Variants in TNRC6B observed in about 807,000 individuals in gnomAD.
The protein encoded by TNRC6B is trinucleotide repeat containing adaptor 6B, also known as trinucleotide repeat-containing gene 6B protein.
TNRC6B carries 52 observed loss-of-function variants against 203.6 expected under a neutral mutation model. That is an observed-to-expected ratio of 0.26 (90% CI 0.20 to 0.32). TNRC6B has a LOEUF of 0.32. Among genes scored for constraint, TNRC6B ranks in the 10% least tolerant of loss-of-function variants. The probability of loss-of-function intolerance (pLI) is 1.00; values close to 1 mark genes in which losing one functional copy is unlikely to be tolerated. For synonymous variants in TNRC6B, 838 were observed against 845.7 expected (o/e 0.99, Z 0.16); for missense variants, 1,923 against 2,286.2 (o/e 0.84, Z 3.24).
At chr22:40,241,895 A>G (rs1244985802) in intron 1 of TNRC6B, among the ~76,000 whole-genome samples, 2 of 152,028 alleles carry the variant, frequency 1.3e-5, no homozygotes, top group African/African-American at 4.8e-5. Flanking sequence ...TTTGATGTTG[A>G]TGTTGTTCCA....
In TNRC6B at chr22:40,265,055, A is replaced by G. The variant is rs1302823626; in HGVS notation, c.825A>G (p.Thr275=). Residue 275 remains threonine (T), a synonymous_variant, in exon 5 of 23, where the codon ACA becomes ACG. Transcript: ENST00000454349. ...CTGTTCAATCTTCCAACTCTACTAC[A>G]GAGAACAACAATGGACTAGGAAATT... ...AKSVQSSNST[T]ENNNGLGNWR... 4 of 1,613,878 alleles carry G rather than the reference A, an allele frequency of 2.5e-6. No homozygotes were observed. The highest frequency in any genetic ancestry group is 3.4e-6 in the Non-Finnish European group (4 of 1,179,900).
In TNRC6B at chr22:40,092,763, C is replaced by T. The variant is rs1453597167; in HGVS notation, c.-120-24292C>T. ...GCCTCTGGTCTTCAAATGACCCTCT[C>T]GCCTTAGCTTCCAGAGTATCTGGGA... On this transcript the variant is annotated intron_variant, in intron 1 of 23. Transcript: ENST00000301923. Among the ~76,000 whole-genome samples the T allele has an allele frequency of 2.0e-5, 3 of 152,328 alleles. No homozygotes were observed. The South Asian group carries it at 6.2e-4, about 32-fold the overall frequency.
chr22:40,083,385 A>G (rs1013690579), intron 1 of TNRC6B, among the ~76,000 whole-genome samples: 55 of 152,232 alleles, frequency 3.6e-4, no homozygotes, highest in African/African-American at 1.2e-3. Flanking sequence ...GATTGGCAGC[A>G]TGGATATTGC....
intron 3 of TNRC6B, among the ~76,000 whole-genome samples, chr22:40,254,259 A>T (rs548207350): frequency 6.6e-6 from 1 of 152,332 alleles, no homozygotes; most frequent in South Asian, 2.1e-4. Flanking sequence ...AATCGTTCAG[A>T]TTTAACAGGG....
At chr22:40,204,630 A>G (rs2069456695) in intron 1 of TNRC6B, among the ~76,000 whole-genome samples, 1 of 152,110 alleles carries the variant, frequency 6.6e-6, no homozygotes, top group Non-Finnish European at 1.5e-5. Context: ...GTTATCTCTA[A>G]ATGATACATG....
intron 1 of TNRC6B, among the ~76,000 whole-genome samples, chr22:40,224,667 C>A (rs1197408657): frequency 6.6e-6 from 1 of 152,186 alleles, no homozygotes; most frequent in Admixed American, 6.5e-5. Context: ...GAAAAATCAG[C>A]CACAGGTTTT....
At chr22:40,046,645 A>ATTT (rs754235884) in intron 1 of TNRC6B, among the ~76,000 whole-genome samples, 1 of 130,820 alleles carries the variant, frequency 7.6e-6, no homozygotes, top group Non-Finnish European at 1.6e-5. Flanking sequence ...CAGAGTCTCA[A>ATTT]TTTTTTTTTT....
chr22:40,079,864 C>T (rs1257077973), intron 1 of TNRC6B, among the ~76,000 whole-genome samples: 4 of 152,100 alleles, frequency 2.6e-5, no homozygotes, highest in African/African-American at 4.8e-5. Flanking sequence ...GGCACAATCT[C>T]GGCTCACTGC....
intron 3 of TNRC6B, among the ~76,000 whole-genome samples, chr22:40,132,295 G>A (rs923747298): frequency 6.6e-6 from 1 of 152,164 alleles, no homozygotes; most frequent in Non-Finnish European, 1.5e-5. Flanking sequence ...GAACCCAGGA[G>A]GCAGAGGTTG....
chr22:40,257,591 C>G (rs1410797261), intron 3 of TNRC6B, among the ~76,000 whole-genome samples: 1 of 152,016 alleles, frequency 6.6e-6, no homozygotes, highest in Non-Finnish European at 1.5e-5. Context: ...TGGTGCACAC[C>G]TGTAATCCCA....
In TNRC6B at chr22:40,264,703, G is replaced by A; in HGVS notation, c.473G>A (p.Gly158Asp). ...TGTTCCCCAGACTCAACCCTTGGAG[G>A]TGCTGCTGCTTCAAATTATGCAAAT... ...SGTAPDSTLG[G>D]AAASNYANST... The change falls in exon 5 of 23, where the codon GGT becomes GAT. Residue 158 changes from glycine to aspartate, a missense_variant. Physicochemically the swap from Gly to Asp is moderately conservative, Grantham distance 94. This residue lies in a region of TNRC6B where 614 missense variants were observed against 587.7 expected (regional missense o/e 1.04). Coordinates refer to ENST00000454349, the MANE Select transcript of TNRC6B (RefSeq NM_001162501.2). The A allele has an allele frequency of 6.3e-7, 1 of 1,595,802 alleles. No individual in the cohort carries two copies. The highest frequency in any genetic ancestry group is 8.5e-7 in the Non-Finnish European group (1 of 1,169,898).
intron 1 of TNRC6B, among the ~76,000 whole-genome samples, chr22:40,074,659 G>T (rs2067989323): frequency 6.6e-6 from 1 of 151,864 alleles, no homozygotes; most frequent in African/African-American, 2.4e-5. Flanking sequence ...GGCGCCTATA[G>T]TCCCAGCTAC....
chr22:40,188,266 T>G (rs1456726793), intron 1 of TNRC6B, among the ~76,000 whole-genome samples: 1 of 152,170 alleles, frequency 6.6e-6, no homozygotes, highest in Non-Finnish European at 1.5e-5. Context: ...AATCAAACCT[T>G]GTTCACACTG....
chr22:40,158,257 T>C (rs2068835942), intron 4 of TNRC6B, among the ~76,000 whole-genome samples: 1 of 151,904 alleles, frequency 6.6e-6, no homozygotes, highest in Admixed American at 6.6e-5. Flanking sequence ...GAGAATTGCT[T>C]GAACCCAGGA....
intron 1 of TNRC6B, among the ~76,000 whole-genome samples, chr22:40,219,674 T>C (rs541567676): frequency 1.3e-5 from 2 of 152,328 alleles, no homozygotes; most frequent in South Asian, 2.1e-4. Flanking sequence ...CTTGGGTCTG[T>C]CTTTCCTCTA....
At chr22:40,048,559 A>T (rs1438207700) in intron 1 of TNRC6B, among the ~76,000 whole-genome samples, 2 of 151,376 alleles carry the variant, frequency 1.3e-5, no homozygotes, top group Non-Finnish European at 1.5e-5. Context: ...AAAAAAAAAA[A>T]TTTCCAAAAC....
intron 3 of TNRC6B, among the ~76,000 whole-genome samples, chr22:40,151,865 GAAGAAAGAAA>G (rs1163219062): frequency 2.6e-5 from 2 of 78,072 alleles, no homozygotes; most frequent in African/African-American, 2.4e-4. Flanking sequence ...AGAAAAGAAA[GAAGAAAGAAA>G]GAAAGAAGAA....
intron 1 of TNRC6B, among the ~76,000 whole-genome samples, chr22:40,200,714 T>C (rs1025363785): frequency 1.3e-5 from 2 of 152,184 alleles, no homozygotes; most frequent in African/African-American, 2.4e-5. Context: ...ATATGTAATA[T>C]ATGTTGTAGG....
At chr22:40,275,545 T>C (rs890300971) in intron 7 of TNRC6B, among the ~76,000 whole-genome samples, 12 of 152,258 alleles carry the variant, frequency 7.9e-5, no homozygotes, top group South Asian at 6.2e-4. Flanking sequence ...CACATACTTA[T>C]GTTGCCATTT....
Sources: gnomAD v4.1 joint callset for allele counts (sites outside exome capture counted in the v4.1 genomes callset) on GRCh38, gnomAD v4.1.1 for gene constraint, gnomAD v4.1.1 regional missense constraint, MANE v1.5 for transcripts, NCBI Gene and HGNC (gene_info 2026-07-23, HGNC 2026-07-21) for gene names.